Variants in WDR1 observed in about 807,000 individuals in gnomAD.
WDR1 encodes the protein WD repeat-containing protein 1.
A neutral mutation model predicts 71.9 loss-of-function variants in WDR1; 21 were observed. The ratio of observed to expected loss-of-function variants is 0.29; its 90% CI spans 0.21 to 0.42. The LOEUF (loss-of-function observed/expected upper bound fraction) is 0.42. WDR1 is among the 10% of genes least tolerant of loss of function. The pLI is 1.00. For synonymous variants in WDR1, 424 were observed against 347.4 expected, an observed-to-expected ratio of 1.22 and a Z score of -2.45; for missense variants, 696 against 824.5, an observed-to-expected ratio of 0.84 and a Z score of 1.91.
At chr4:10,094,336 C>T (rs1183979601) in intron 5 of WDR1, among the ~76,000 whole-genome samples, 2 of 152,184 alleles carry the variant, frequency 1.3e-5, no homozygotes, top group Non-Finnish European at 2.9e-5. Context: ...AACTGCTCAC[C>T]CGACCGGAGG....
intron 2 of WDR1, among the ~76,000 whole-genome samples, chr4:10,114,961 C>T (rs1388387213): frequency 6.6e-6 from 1 of 152,210 alleles, no homozygotes; most frequent in Non-Finnish European, 1.5e-5. Context: ...CTTCTCCTTT[C>T]ACAGAGAAGG....
chr4:10,089,066 C>G (rs1411390702), intron 5 of WDR1, among the ~76,000 whole-genome samples: 2 of 152,218 alleles, frequency 1.3e-5, no homozygotes, highest in African/African-American at 4.8e-5. Context: ...TCTGAAAGAG[C>G]TCAAGCCCCA....
In WDR1 at chr4:10,074,457, C is replaced by A. The variant is rs1804995; in HGVS notation, c.*921G>T. The stretch of plus-strand genomic sequence containing the variant: ...AACATTTACCAGTGATTCCGACACA[C>A]GCAAAAACACTCCCAATCACGGTGC... On this transcript the variant is annotated 3_prime_UTR_variant, in exon 15 of 15. Coordinates refer to ENST00000499869, the MANE Select transcript of WDR1 (RefSeq NM_017491.5). 1 of 152,576 alleles carries A rather than the reference C, an allele frequency of 6.6e-6. No homozygotes were observed. The highest frequency in any genetic ancestry group is 1.5e-5 in the Non-Finnish European group (1 of 68,022). The allele number at this position is 152,576 out of a possible 1,614,324, so 9.5% of individuals were successfully genotyped here.
intron 5 of WDR1, among the ~76,000 whole-genome samples, chr4:10,097,345 C>T (rs1712405236): frequency 6.6e-6 from 1 of 152,280 alleles, no homozygotes; most frequent in Non-Finnish European, 1.5e-5. Flanking sequence ...CTTCCTCTGC[C>T]ACTTTGGTGG....
Position 10,075,218 on chromosome 4 carries a change from C to G in WDR1, c.*160G>C. On this transcript the variant is annotated 3_prime_UTR_variant, in exon 15 of 15. Coordinates refer to ENST00000499869, the MANE Select transcript of WDR1 (RefSeq NM_017491.5). ...TCTAAAGCTTTCAGAAGAACGTGTA[C>G]AGACACCCTGCAGAGACGAGGGTCA... 1.6e-6 allele frequency: 1 copy of G among 627,418 alleles called. No individual in the cohort carries two copies. Among genetic ancestry groups the G allele is most frequent in the East Asian group, 2.7e-5 (1 of 36,412 alleles). 38.9% of individuals were successfully genotyped at this position (627,418 alleles called of 1,614,324 possible).
intron 8 of WDR1, among the ~76,000 whole-genome samples, chr4:10,085,225 G>T (rs944104495): frequency 6.6e-6 from 1 of 152,172 alleles, no homozygotes; most frequent in African/African-American, 2.4e-5. Flanking sequence ...TGCAAAGGGA[G>T]GCCAGCTCCT....
intron 5 of WDR1, among the ~76,000 whole-genome samples, chr4:10,093,446 G>A (rs1347457351): frequency 1.3e-5 from 2 of 152,176 alleles, no homozygotes; most frequent in African/African-American, 2.4e-5. Context: ...CCCATCCCCC[G>A]CAGCAAACTT....
At chr4:10,094,310 C>G (rs1357272904) in intron 5 of WDR1, among the ~76,000 whole-genome samples, 1 of 152,194 alleles carries the variant, frequency 6.6e-6, no homozygotes, top group Admixed American at 6.5e-5. Context: ...GTGTGGTCAT[C>G]CTAGACCACC....
At chr4:10,115,680 CTG>C (rs941715164) in intron 2 of WDR1, 1 of 154,974 alleles carries the variant, frequency 6.5e-6, no homozygotes, top group African/African-American at 2.4e-5. Flanking sequence ...GACGAGAAAA[CTG>C]GGGCTCAGAG....
At chr4:10,112,916 CCT>C (rs1713474144) in intron 2 of WDR1, among the ~76,000 whole-genome samples, 1 of 152,240 alleles carries the variant, frequency 6.6e-6, no homozygotes, top group South Asian at 2.1e-4. Flanking sequence ...CAGGCAGATA[CCT>C]ATGTACACTT....
chr4:10,089,890 A>G (rs1464213313), intron 5 of WDR1, among the ~76,000 whole-genome samples: 2 of 152,274 alleles, frequency 1.3e-5, no homozygotes, highest in South Asian at 2.1e-4. Context: ...TGAAGTCCCA[A>G]CCCTGGGACC....
chr4:10,101,087 C>A (rs936308015), intron 3 of WDR1, among the ~76,000 whole-genome samples: 1 of 152,272 alleles, frequency 6.6e-6, no homozygotes, highest in African/African-American at 2.4e-5. Context: ...CTCGCCAACT[C>A]CCAAGGGCAG....
chr4:10,116,105 G>A lies in WDR1; in HGVS notation c.138+8C>T, dbSNP rs1487428601. The A allele has an allele frequency of 4.3e-6, 7 of 1,611,708 alleles. No homozygotes were observed. Among genetic ancestry groups the A allele is most frequent in the African/African-American group, 1.3e-5 (1 of 74,844 alleles). ...AGCAGAACCGCGCCCGGGGTAGGGG[G>A]TACTCACGTCGATGTTCCTTAGGAT... On this transcript the variant is annotated splice_region_variant and intron_variant, in intron 2 of 14. Coordinates refer to ENST00000499869, the MANE Select transcript of WDR1 (RefSeq NM_017491.5).
chr4:10,113,284 C>T lies in WDR1; in HGVS notation c.138+2829G>A, dbSNP rs181267923. ...GCTGAGGCAGGAGATTTGCCTGAAC[C>T]CGGCAGGTGGAGGTTGCAGTGACCC... On this transcript the variant is annotated intron_variant, in intron 2 of 14. Coordinates refer to ENST00000499869, the MANE Select transcript of WDR1 (RefSeq NM_017491.5). Among the ~76,000 whole-genome samples the T allele has an allele frequency of 1.1e-3, 174 of 152,246 alleles. 1 individual carries two copies. Among genetic ancestry groups the T allele is most frequent in the Middle Eastern group, 3.4e-3 (1 of 294 alleles).
At chr4:10,098,860 C>A (rs1712516718) in intron 4 of WDR1, 132 bp downstream of exon 4, 1 of 1,336,338 alleles carries the variant, frequency 7.5e-7, no homozygotes, top group East Asian at 2.3e-5. Flanking sequence ...CGGGGCCCGG[C>A]ACCTACTGGG....
Position 10,075,303 on chromosome 4 carries a change from A to C in WDR1, c.*75T>G. ...GGGCATGGGGGCGCGTCACAGAAATAGAGAAATGACATGTTCCGCTGCAGT... is the reference window on the plus strand; with the variant it reads ...GGGCATGGGGGCGCGTCACAGAAATCGAGAAATGACATGTTCCGCTGCAGT... On this transcript the variant is annotated 3_prime_UTR_variant, in exon 15 of 15. Transcript: ENST00000499869. 7 of 1,396,192 alleles carry C rather than the reference A, an allele frequency of 5.0e-6. No individual in the cohort carries two copies. The highest frequency in any genetic ancestry group is 7.1e-6 in the Non-Finnish European group (7 of 992,300). The allele number at this position is 1,396,192 out of a possible 1,614,324, so 86.5% of individuals were successfully genotyped here.
chr4:10,111,661 A>G (rs554372905), intron 2 of WDR1, among the ~76,000 whole-genome samples: 272 of 152,188 alleles, frequency 1.8e-3, no homozygotes, highest in African/African-American at 6.3e-3. Flanking sequence ...AATTCCGGAG[A>G]AGCAGCTAGG....
chr4:10,103,289 GACACACACAC>G (rs5856034), intron 3 of WDR1, among the ~76,000 whole-genome samples: 60 of 147,014 alleles, frequency 4.1e-4, no homozygotes, highest in East Asian at 8.1e-4. Context: ...CACACACACA[GACACACACAC>G]ACACACACAC....
In WDR1 at chr4:10,111,187, T is replaced by C. The variant is rs146031529; in HGVS notation, c.138+4926A>G. 5.3e-3 allele frequency among the ~76,000 whole-genome samples: 803 copies of C among 152,360 alleles called. 7 individuals carry two copies. Among genetic ancestry groups the C allele is most frequent in the Middle Eastern group, 0.02 (6 of 294 alleles). ...GCTCCAGTGGCCTTCAGAGCAGGGCTGCGCTATGGTAGGGCTGTGTGAGCC... is the reference window on the plus strand; with the variant it reads ...GCTCCAGTGGCCTTCAGAGCAGGGCCGCGCTATGGTAGGGCTGTGTGAGCC... On this transcript the variant is annotated intron_variant, in intron 2 of 14. Transcript: ENST00000499869.
Sources: allele counts gnomAD v4.1 joint callset (sites outside exome capture counted in the v4.1 genomes callset), GRCh38; gene constraint gnomAD v4.1.1; transcripts MANE v1.5; gene names NCBI Gene and HGNC (gene_info 2026-07-23, HGNC 2026-07-21).